Variants in UCHL5 observed in about 807,000 individuals in gnomAD.
UCHL5 encodes ubiquitin carboxyl-terminal hydrolase isozyme L5.
UCHL5 carries 34 observed loss-of-function variants against 53.8 expected under a neutral mutation model. That is an observed-to-expected ratio of 0.63 (90% CI 0.48 to 0.84). The LOEUF (loss-of-function observed/expected upper bound fraction) is 0.84. Ranked by LOEUF, UCHL5 falls within the 40% of genes least tolerant of loss-of-function variation. The pLI, the probability that UCHL5 is intolerant of heterozygous loss-of-function variation, is 0.00. For synonymous variants in UCHL5, 111 were observed against 126.3 expected (o/e 0.88, Z 0.81); for missense variants, 290 against 385.6 (o/e 0.75, Z 2.08).
intron 3 of UCHL5, among the ~76,000 whole-genome samples, chr1:193,042,410 T>A (rs1443086550): frequency 2.0e-5 from 3 of 152,156 alleles, no homozygotes; most frequent in African/African-American, 7.2e-5. Flanking sequence ...AATAAACCAA[T>A]CATATATATG....
chr1:193,041,793 T>A (rs1471217952), intron 3 of UCHL5, among the ~76,000 whole-genome samples: 1 of 152,096 alleles, frequency 6.6e-6, no homozygotes, highest in African/African-American at 2.4e-5. Context: ...ACTATCATAA[T>A]AAACTTATGG....
chr1:193,042,355 T>G (rs1665880208), intron 3 of UCHL5, among the ~76,000 whole-genome samples: 1 of 152,192 alleles, frequency 6.6e-6, no homozygotes, highest in African/African-American at 2.4e-5. Context: ...TCTTAGGCAC[T>G]TACTTTGTTT....
chr1:193,026,089 C>CAAA (rs200994694), intron 7 of UCHL5, among the ~76,000 whole-genome samples: 3 of 64,430 alleles, frequency 4.7e-5, no homozygotes, highest in South Asian at 4.8e-4. Context: ...TATGCATAGG[C>CAAA]AAAAAAAAAA....
chr1:193,050,981 C>T (rs1261546031), intron 2 of UCHL5, among the ~76,000 whole-genome samples: 1 of 152,140 alleles, frequency 6.6e-6, no homozygotes, highest in African/African-American at 2.4e-5. Context: ...TGATCTTAGC[C>T]ACAAATGATC....
upstream of UCHL5, chr1:193,059,930 G>T (rs1672341455): frequency 7.3e-7 from 1 of 1,366,246 alleles, no homozygotes; most frequent in Non-Finnish European, 9.8e-7. The surrounding 1 kb of genome is among the most constrained non-coding windows in gnomAD (Gnocchi z 4.9). Flanking sequence ...CCGCTTCCGC[G>T]CCTGTCCACC....
At chr1:193,033,811 T>C (rs1662400446) in intron 3 of UCHL5, among the ~76,000 whole-genome samples, 1 of 152,042 alleles carries the variant, frequency 6.6e-6, no homozygotes, top group Non-Finnish European at 1.5e-5. Flanking sequence ...TTCACAAATG[T>C]GAAATTTTAA....
At chr1:193,044,560 CA>C (rs1248276044) in intron 3 of UCHL5, among the ~76,000 whole-genome samples, 1 of 152,104 alleles carries the variant, frequency 6.6e-6, no homozygotes, top group Non-Finnish European at 1.5e-5. Context: ...CACACACACG[CA>C]ACCCCCTTGA....
intron 1 of UCHL5, among the ~76,000 whole-genome samples, chr1:193,052,748 C>A (rs977597902): frequency 6.6e-6 from 1 of 152,120 alleles, no homozygotes; most frequent in African/African-American, 2.4e-5. Flanking sequence ...CTTTAAGGGT[C>A]CACCAACTAT....
At chr1:193,058,273 T>C (rs1033491374) in intron 1 of UCHL5, among the ~76,000 whole-genome samples, 3 of 152,042 alleles carry the variant, frequency 2.0e-5, no homozygotes, top group African/African-American at 7.2e-5. Flanking sequence ...GTGCCTGAGA[T>C]ATAGAAGATG....
chr1:193,050,949 T>A (rs1668847764), intron 2 of UCHL5, among the ~76,000 whole-genome samples: 1 of 152,054 alleles, frequency 6.6e-6, no homozygotes, highest in African/African-American at 2.4e-5. Flanking sequence ...GTTCAAATGA[T>A]CCATTTTTAA....
At chr1:193,032,221 T>C (rs1024953356) in intron 3 of UCHL5, among the ~76,000 whole-genome samples, 1 of 152,124 alleles carries the variant, frequency 6.6e-6, no homozygotes, top group Non-Finnish European at 1.5e-5. Flanking sequence ...AATATAAAAA[T>C]AGCTTAAAGT....
At chr1:193,054,037 A>T (rs1305564754) in intron 1 of UCHL5, among the ~76,000 whole-genome samples, 1 of 151,482 alleles carries the variant, frequency 6.6e-6, no homozygotes, top group African/African-American at 2.4e-5. Context: ...AAAAAAAAAA[A>T]CTGTCATGGA....
intron 6 of UCHL5, 49 bp from the exon 7 acceptor site, chr1:193,028,197 C>T: frequency 1.3e-6 from 2 of 1,485,192 alleles, no homozygotes; most frequent in East Asian, 2.4e-5. Context: ...TAAGAACAAT[C>T]AACTTTAAAA....
chr1:193,056,411 C>T (rs957863024), intron 1 of UCHL5, among the ~76,000 whole-genome samples: 1 of 152,062 alleles, frequency 6.6e-6, no homozygotes, highest in Non-Finnish European at 1.5e-5. Context: ...TCTAGGTTTT[C>T]TACTTTCTTA....
chr1:193,059,616 G>C, upstream of UCHL5: 1 of 1,426,470 alleles, frequency 7.0e-7, no homozygotes, highest in Non-Finnish European at 9.4e-7. This position sits in a 1 kb window ranked among gnomAD's most constrained non-coding sequence, Gnocchi z 4.9. Context: ...GGCAGGACTC[G>C]TTCCCGGGAA....
intron 3 of UCHL5, among the ~76,000 whole-genome samples, chr1:193,043,574 T>C (rs974575999): frequency 6.6e-6 from 1 of 152,218 alleles, no homozygotes; most frequent in Non-Finnish European, 1.5e-5. Context: ...AGTCCTTGAA[T>C]GCCTAAGAGT....
chr1:193,049,874 A>C (rs1266234397), intron 2 of UCHL5, 23 bp from the exon 3 acceptor site: 4 of 1,585,570 alleles, frequency 2.5e-6, no homozygotes, highest in Non-Finnish European at 3.4e-6. Flanking sequence ...ATACAAATTA[A>C]TGACATCAAA....
intron 8 of UCHL5, among the ~76,000 whole-genome samples, chr1:193,023,438 T>C (rs926327635): frequency 3.3e-5 from 5 of 152,184 alleles, no homozygotes; most frequent in African/African-American, 1.2e-4. Flanking sequence ...CATGTGACTC[T>C]AAATATACCC....
rs375856662 is a variant in UCHL5 at position 193,023,927 on chromosome 1, G to T, written c.649C>A (p.Arg217=). The T allele has an allele frequency of 2.5e-5, 40 of 1,609,842 alleles. No individual in the cohort carries two copies. The highest frequency in any genetic ancestry group is 3.3e-5 in the Non-Finnish European group (39 of 1,178,034). ...GACACAATGGCCATTAAATTAAATC[G>T]AATTTCACCTTCACTGTACCTAGAA... ...RIQKYSEGEI[R]FNLMAIVSDR... is the part of the protein sequence containing the mutation. Residue 217 remains arginine, a synonymous_variant, in exon 8 of 11, where the codon CGA becomes AGA. Transcript: ENST00000367454.
Sources: gnomAD v4.1 joint callset for allele counts (sites outside exome capture counted in the v4.1 genomes callset) on GRCh38, gnomAD v4.1.1 for gene constraint, Gnocchi (gnomAD v3.1) non-coding constraint, MANE v1.5 for transcripts, NCBI Gene and HGNC (gene_info 2026-07-23, HGNC 2026-07-21) for gene names.